Variants in LRRC72 observed in about 807,000 individuals in gnomAD.
LRRC72 encodes leucine-rich repeat-containing protein 72.
A neutral mutation model predicts 35.8 loss-of-function variants in LRRC72; 41 were observed. The observed-to-expected ratio is 1.15, with a 90% confidence interval of 0.89 to 1.49. The LOEUF (loss-of-function observed/expected upper bound fraction) is 1.49, where lower values mean the gene tolerates loss of function less well. Ranked by LOEUF, LRRC72 falls within the 40% of genes most tolerant of loss-of-function variation. LRRC72 has a pLI of 0.00. For missense variants in LRRC72, 389 were observed against 330.7 expected (o/e 1.18, Z -1.37); for synonymous variants, 118 against 119.2 (o/e 0.99, Z 0.07).
chr7:16,577,436 A>G (rs1227668501), intron 7 of LRRC72, among the ~76,000 whole-genome samples: 2 of 152,236 alleles, frequency 1.3e-5, no homozygotes, highest in East Asian at 3.9e-4. Flanking sequence ...GAAGTTCTGG[A>G]AGAAAATACT....
At chr7:16,546,453 A>C (rs1431024257) in intron 3 of LRRC72, among the ~76,000 whole-genome samples, 1 of 152,016 alleles carries the variant, frequency 6.6e-6, no homozygotes, top group African/African-American at 2.4e-5. Context: ...AAACAAAAAT[A>C]TTTCCAGATA....
chr7:16,559,761 CAT>C (rs1782715220), intron 5 of LRRC72, among the ~76,000 whole-genome samples: 1 of 151,540 alleles, frequency 6.6e-6, no homozygotes, highest in Non-Finnish European at 1.5e-5. Flanking sequence ...GGTGATAAAA[CAT>C]ACTAAAATTG....
intron 2 of LRRC72, 178 bp downstream of exon 2, chr7:16,532,746 T>C (rs1782190432): frequency 3.5e-6 from 2 of 576,730 alleles, no homozygotes; most frequent in Non-Finnish European, 6.0e-6. Flanking sequence ...GATACTGAAA[T>C]TGATTAAAAA....
At chr7:16,569,681 A>G (rs192000948) in intron 7 of LRRC72, among the ~76,000 whole-genome samples, 132 of 150,046 alleles carry the variant, frequency 8.8e-4, no homozygotes, top group Middle Eastern at 3.4e-3. Flanking sequence ...ATGCACAGCT[A>G]TGGCAAGCCA....
intron 7 of LRRC72, among the ~76,000 whole-genome samples, chr7:16,571,735 G>A (rs1782949284): frequency 6.6e-6 from 1 of 152,172 alleles, no homozygotes; most frequent in Non-Finnish European, 1.5e-5. Flanking sequence ...TACACCACCA[G>A]GGCCCTGGGT....
At chr7:16,534,944 T>A (rs547611563) in intron 2 of LRRC72, among the ~76,000 whole-genome samples, 20 of 152,282 alleles carry the variant, frequency 1.3e-4, no homozygotes. Context: ...ACGCCTATAA[T>A]CCCAACACGT....
chr7:16,580,063 T>A lies in LRRC72; in HGVS notation c.671-11T>A, dbSNP rs779748386. On this transcript the variant is annotated splice_polypyrimidine_tract_variant and intron_variant, in intron 7 of 8. Coordinates refer to ENST00000401542, the MANE Select transcript of LRRC72 (RefSeq NM_001195280.2). Reference sequence around the variant, plus strand: ...TTAAAATACTAACTTTAAAATGTATTTTTTTTTTAGATTTTGCATTTGCAA... The same window carrying A: ...TTAAAATACTAACTTTAAAATGTATATTTTTTTTAGATTTTGCATTTGCAA... The A allele has an allele frequency of 1.2e-5, 5 of 423,786 alleles. No individual in the cohort carries two copies. The highest frequency in any genetic ancestry group is 4.6e-5 in the South Asian group (2 of 43,544). The allele number at this position is 423,786 out of a possible 1,614,324, so 26.3% of individuals were successfully genotyped here. A position where few individuals can be genotyped will look rare whatever the true frequency, so the allele number is the denominator to read the frequency against.
At chr7:16,531,991 A>G (rs1229129310) in intron 1 of LRRC72, among the ~76,000 whole-genome samples, 1 of 152,184 alleles carries the variant, frequency 6.6e-6, no homozygotes, top group East Asian at 1.9e-4. Context: ...GTATTCATTC[A>G]TTTCACATTT....
chr7:16,569,325 C>A (rs985790662), intron 7 of LRRC72, among the ~76,000 whole-genome samples: 1 of 152,020 alleles, frequency 6.6e-6, no homozygotes, highest in African/African-American at 2.4e-5. Flanking sequence ...ACTCAGGAAG[C>A]TGAGGCAGGA....
intron 7 of LRRC72, among the ~76,000 whole-genome samples, chr7:16,573,994 T>C (rs189929064): frequency 6.6e-6 from 1 of 152,148 alleles, no homozygotes; most frequent in African/African-American, 2.4e-5. Flanking sequence ...GTGAAGCATA[T>C]GAACAGGCAC....
intron 7 of LRRC72, among the ~76,000 whole-genome samples, chr7:16,576,575 C>T (rs901381245): frequency 1.3e-5 from 2 of 152,172 alleles, no homozygotes; most frequent in Admixed American, 6.6e-5. Context: ...ATTTTCATTA[C>T]TGTCTCTGGG....
intron 3 of LRRC72, among the ~76,000 whole-genome samples, chr7:16,555,163 G>A (rs1278690127): frequency 6.6e-6 from 1 of 152,206 alleles, no homozygotes; most frequent in African/African-American, 2.4e-5. Flanking sequence ...AACATTTGGT[G>A]AAATTACTAA....
At chr7:16,578,544 A>G (rs1783084685) in intron 7 of LRRC72, among the ~76,000 whole-genome samples, 1 of 152,224 alleles carries the variant, frequency 6.6e-6, no homozygotes, top group Non-Finnish European at 1.5e-5. Context: ...AAAAAATAGT[A>G]TACTATGAGT....
At chr7:16,546,652 C>T (rs1053391102) in intron 3 of LRRC72, among the ~76,000 whole-genome samples, 2 of 152,118 alleles carry the variant, frequency 1.3e-5, no homozygotes, top group African/African-American at 2.4e-5. Flanking sequence ...CACACTGGGC[C>T]TCTGGTTCTC....
chr7:16,547,774 A>G (rs1782473997), intron 3 of LRRC72, among the ~76,000 whole-genome samples: 1 of 152,224 alleles, frequency 6.6e-6, no homozygotes, highest in Admixed American at 6.5e-5. Flanking sequence ...GAGAGGCTAA[A>G]GGGGAGCTGA....
intron 2 of LRRC72, among the ~76,000 whole-genome samples, chr7:16,536,171 C>A (rs998193156): frequency 1.3e-5 from 2 of 151,870 alleles, no homozygotes; most frequent in African/African-American, 4.8e-5. Flanking sequence ...CCATGCCCAG[C>A]CCAAAAAAAC....
intron 3 of LRRC72, 55 bp from the exon 4 acceptor site, chr7:16,557,305 T>C (rs919231690): frequency 1.0e-4 from 48 of 474,544 alleles, no homozygotes; most frequent in Non-Finnish European, 1.6e-4. Context: ...TTTATATTGA[T>C]GTAATATATA....
At chr7:16,581,259 T>C in intron 8 of LRRC72, 65 bp from the exon 9 acceptor site, 2 of 1,355,856 alleles carry the variant, frequency 1.5e-6, no homozygotes, top group Non-Finnish European at 1.9e-6. Flanking sequence ...GAATAAAAAT[T>C]TCATTTTGGT....
intron 1 of LRRC72, among the ~76,000 whole-genome samples, chr7:16,531,871 C>T (rs917255098): frequency 6.6e-6 from 1 of 152,250 alleles, no homozygotes; most frequent in African/African-American, 2.4e-5. Flanking sequence ...GCTTCTCCAC[C>T]AAAAATTCTC....
Sources: allele counts gnomAD v4.1 joint callset (sites outside exome capture counted in the v4.1 genomes callset), GRCh38; gene constraint gnomAD v4.1.1; transcripts MANE v1.5; gene names NCBI Gene and HGNC (gene_info 2026-07-23, HGNC 2026-07-21).